VTI1A: variants seen among roughly 807,000 people sequenced by gnomAD.
VTI1A encodes vesicle transport through interaction with t-SNAREs 1A.
A neutral mutation model predicts 34.9 loss-of-function variants in VTI1A; 22 were observed. The ratio of observed to expected loss-of-function variants is 0.63; its 90% CI spans 0.45 to 0.90. The LOEUF (loss-of-function observed/expected upper bound fraction) is 0.90, where lower values mean the gene tolerates loss of function less well. Ranked by LOEUF, VTI1A falls within the 40% of genes least tolerant of loss-of-function variation. The probability of loss-of-function intolerance (pLI) is 0.00; values close to 1 mark genes in which losing one functional copy is unlikely to be tolerated. For missense variants in VTI1A, 268 were observed against 275.6 expected (o/e 0.97, Z 0.20); for synonymous variants, 87 against 97.3 (o/e 0.89, Z 0.62).
intron 7 of VTI1A, among the ~76,000 whole-genome samples, chr10:112,727,575 C>A (rs532276296): frequency 6.6e-6 from 1 of 152,028 alleles, no homozygotes; most frequent in Non-Finnish European, 1.5e-5. Context: ...AGAGCTGGTC[C>A]TCACTGTGGA....
At chr10:112,620,314 A>G (rs977589301) in intron 5 of VTI1A, among the ~76,000 whole-genome samples, 8 of 152,332 alleles carry the variant, frequency 5.3e-5, no homozygotes, top group Admixed American at 4.6e-4. Context: ...GAGGAAAGAC[A>G]CACTGCCTGC....
At chr10:112,678,744 G>C (rs1169432820) in intron 7 of VTI1A, among the ~76,000 whole-genome samples, 1 of 152,192 alleles carries the variant, frequency 6.6e-6, no homozygotes, top group African/African-American at 2.4e-5. Flanking sequence ...GCACAGTGCA[G>C]GTGGTCGAGC....
intron 5 of VTI1A, among the ~76,000 whole-genome samples, chr10:112,597,646 G>A: frequency 6.7e-6 from 1 of 149,266 alleles, no homozygotes; most frequent in South Asian, 2.1e-4. Flanking sequence ...TTGCACCTGT[G>A]AATAGCCATT....
At chr10:112,585,025 C>T (rs577171150) in intron 5 of VTI1A, among the ~76,000 whole-genome samples, 92 of 152,230 alleles carry the variant, frequency 6.0e-4, no homozygotes, top group African/African-American at 2.1e-3. Flanking sequence ...CATTTTGTTG[C>T]AGAAGTCATT....
At chr10:112,492,563 A>G (rs2134128928) in intron 3 of VTI1A, among the ~76,000 whole-genome samples, 1 of 152,290 alleles carries the variant, frequency 6.6e-6, no homozygotes, top group Non-Finnish European at 1.5e-5. Flanking sequence ...CCAGGCAGGC[A>G]GATCATGAGG....
At chr10:112,732,775 A>G (rs755203777) in intron 7 of VTI1A, among the ~76,000 whole-genome samples, 4 of 152,196 alleles carry the variant, frequency 2.6e-5, no homozygotes, top group South Asian at 2.1e-4. Context: ...GATGACCAAT[A>G]TGAATGCCAG....
intron 1 of VTI1A, among the ~76,000 whole-genome samples, chr10:112,451,676 A>C (rs1457239990): frequency 1.3e-5 from 2 of 152,200 alleles, no homozygotes; most frequent in Admixed American, 1.3e-4. Flanking sequence ...GGTTATGCCA[A>C]GCCCTGGAGG....
chr10:112,641,554 T>C (rs775674286), intron 5 of VTI1A, among the ~76,000 whole-genome samples: 41 of 152,168 alleles, frequency 2.7e-4, no homozygotes, highest in South Asian at 2.1e-4. Flanking sequence ...AGTGTGGAGA[T>C]GATCTCAGGC....
intron 5 of VTI1A, among the ~76,000 whole-genome samples, chr10:112,578,693 G>A (rs1303502890): frequency 1.3e-5 from 2 of 152,108 alleles, no homozygotes; most frequent in East Asian, 1.9e-4. Context: ...TTTTAAGTTA[G>A]CTCACTTTTT....
At position 112,596,176 on chromosome 10, in the gene VTI1A, G is replaced by T. The variant is rs534582118; in HGVS notation, c.427+57846G>T. On this transcript the variant is annotated intron_variant, in intron 5 of 7. Coordinates refer to ENST00000393077, the MANE Select transcript of VTI1A (RefSeq NM_145206.4). ...GGGGACTGTTGTGGGGTGGAGTGAG[G>T]GGGGAGGGATAGCATTAGGAGATAT... is the stretch of plus-strand genomic sequence containing the variant. Among the ~76,000 whole-genome samples the T allele has an allele frequency of 9.2e-5, 14 of 151,650 alleles. No homozygotes were observed. In the South Asian group the frequency reaches 2.3e-3, roughly 25 times the overall value.
At position 112,770,168 on chromosome 10, in the gene VTI1A, T is replaced by C. The variant is rs142800454; in HGVS notation, c.561-45122T>C. Among the ~76,000 whole-genome samples, 451 of 152,240 alleles carry C rather than the reference T, an allele frequency of 3.0e-3. 2 individuals are homozygous for C. Among genetic ancestry groups the C allele is most frequent in the Non-Finnish European group, 5.2e-3 (355 of 68,024 alleles). On this transcript the variant is annotated intron_variant, in intron 7 of 7. Transcript: ENST00000393077. Reference sequence around the variant, plus strand: ...GATCTGATCCAACCCACTCGTATTATGTGTTTGACACTTTTATTCCACAGT... The same window carrying C: ...GATCTGATCCAACCCACTCGTATTACGTGTTTGACACTTTTATTCCACAGT...
chr10:112,842,632 A>G, the VTI1A span, among the ~76,000 whole-genome samples: 45 of 152,276 alleles, frequency 3.0e-4, no homozygotes, highest in Admixed American at 1.4e-3. Context: ...TCCAAATTCT[A>G]TGATGCTATT....
At chr10:112,751,947 C>G (rs989384069) in intron 7 of VTI1A, among the ~76,000 whole-genome samples, 6 of 152,188 alleles carry the variant, frequency 3.9e-5, no homozygotes, top group African/African-American at 1.2e-4. Flanking sequence ...ACGGCATTCT[C>G]TAATAGCTAC....
intron 3 of VTI1A, among the ~76,000 whole-genome samples, chr10:112,477,483 C>A (rs1848313014): frequency 6.6e-6 from 1 of 152,240 alleles, no homozygotes; most frequent in Admixed American, 6.5e-5. Context: ...CAAATTTTCT[C>A]ATTCTCCATT....
At chr10:112,560,298 C>A (rs1190976138) in intron 5 of VTI1A, among the ~76,000 whole-genome samples, 3 of 152,020 alleles carry the variant, frequency 2.0e-5, no homozygotes, top group Non-Finnish European at 4.4e-5. Context: ...TCCAGAAATA[C>A]CTTTTTTTAA....
intron 5 of VTI1A, among the ~76,000 whole-genome samples, chr10:112,585,766 TA>T (rs1177536194): frequency 1.3e-5 from 2 of 148,890 alleles, no homozygotes; most frequent in African/African-American, 4.9e-5. Flanking sequence ...ATAGAGTACA[TA>T]AACAGTATTC....
At chr10:112,838,504 C>G in the VTI1A span, among the ~76,000 whole-genome samples, 991 of 152,216 alleles carry the variant, frequency 6.5e-3, 10 homozygotes, top group African/African-American at 0.023. Context: ...TCCCCCTAGA[C>G]TAATTTGTAT....
chr10:112,786,776 G>C (rs1852301690), intron 7 of VTI1A, among the ~76,000 whole-genome samples: 1 of 152,072 alleles, frequency 6.6e-6, no homozygotes, highest in Non-Finnish European at 1.5e-5. Flanking sequence ...TGCATTTCTG[G>C]GATAAGTCCC....
chr10:112,815,753 T>G lies in VTI1A; in HGVS notation c.*370T>G, dbSNP rs1454586203. The G allele has an allele frequency of 2.5e-5, 7 of 277,472 alleles. No homozygotes were observed. Among genetic ancestry groups the G allele is most frequent in the Non-Finnish European group, 4.8e-5 (7 of 145,160 alleles). 17.2% of individuals were successfully genotyped at this position (277,472 alleles called of 1,614,324 possible). On this transcript the variant is annotated 3_prime_UTR_variant, in exon 8 of 8. Coordinates refer to ENST00000393077, the MANE Select transcript of VTI1A (RefSeq NM_145206.4). Reference sequence around the variant, plus strand: ...TGAGTCAGTCACGAGAGCTTCTGTTTGTCACCCGCCTCTTGTTGCTGAAAA... The same window carrying G: ...TGAGTCAGTCACGAGAGCTTCTGTTGGTCACCCGCCTCTTGTTGCTGAAAA...
Sources: allele counts gnomAD v4.1 joint callset (sites outside exome capture counted in the v4.1 genomes callset), GRCh38; gene constraint gnomAD v4.1.1; transcripts MANE v1.5; gene names NCBI Gene and HGNC (gene_info 2026-07-23, HGNC 2026-07-21).